DNPEP: variants seen among roughly 807,000 people sequenced by gnomAD.
DNPEP encodes the protein aspartyl aminopeptidase.
A neutral mutation model predicts 59.1 loss-of-function variants in DNPEP; 46 were observed. That is an observed-to-expected ratio of 0.78 (90% CI 0.61 to 0.99). The LOEUF is 0.99. Among genes scored for constraint, DNPEP ranks in the 50% least tolerant of loss-of-function variants. The probability of loss-of-function intolerance (pLI) is 0.00; values close to 1 mark genes in which losing one functional copy is unlikely to be tolerated. For synonymous variants in DNPEP, 229 were observed against 242.2 expected, an observed-to-expected ratio of 0.95 and a Z score of 0.50; for missense variants, 617 against 649.9, an observed-to-expected ratio of 0.95 and a Z score of 0.55.
upstream of DNPEP, among the ~76,000 whole-genome samples, chr2:219,390,269 T>C (rs1953994528): frequency 6.6e-6 from 1 of 152,140 alleles, no homozygotes; most frequent in Non-Finnish European, 1.5e-5. Flanking sequence ...AAAAGTAAAA[T>C]TGGTCATTAT....
intron 10 of DNPEP, among the ~76,000 whole-genome samples, chr2:219,382,848 C>G (rs1953656087): frequency 6.6e-6 from 1 of 152,236 alleles, no homozygotes; most frequent in Admixed American, 6.5e-5. Context: ...AGGACCTACT[C>G]TGTGCTGAGC....
Position 219,373,074 on chromosome 2 carries a change from CTTTTTTT to C in DNPEP, c.*1211_*1217del, listed in dbSNP as rs1043331196. 7.0e-6 allele frequency among the ~76,000 whole-genome samples: 1 copy of C among 142,512 alleles called. No individual in the cohort carries two copies. The highest frequency in any genetic ancestry group is 1.5e-5 in the Non-Finnish European group (1 of 64,792). 93.5% of individuals were successfully genotyped at this position (142,512 alleles called of 152,430 possible). A position where few individuals can be genotyped will look rare whatever the true frequency, so the allele number is the denominator to read the frequency against. ...AAGCAGGCTTTGACTTTTTCTTTTT[CTTTTTTT>C]TTTTTTGAGAGAGTTTCACCCTTGT... On this transcript the variant is annotated 3_prime_UTR_variant, in exon 15 of 15. Transcript: ENST00000273075.
chr2:219,382,486 G>A (rs1953643630), intron 10 of DNPEP, among the ~76,000 whole-genome samples: 1 of 152,180 alleles, frequency 6.6e-6, no homozygotes, highest in African/African-American at 2.4e-5. Flanking sequence ...GAACACCCAA[G>A]TTGTAGCTAA....
intron 1 of DNPEP, chr2:219,387,524 G>T: frequency 2.8e-6 from 4 of 1,441,318 alleles, no homozygotes; most frequent in Non-Finnish European, 3.7e-6. Context: ...ACCCAGCCCG[G>T]AGCCAAAGCC....
At chr2:219,377,277 CAAAAAAAAA>C (rs386392672) in intron 13 of DNPEP, among the ~76,000 whole-genome samples, 7 of 66,098 alleles carry the variant, frequency 1.1e-4, no homozygotes, top group South Asian at 7.7e-4. Flanking sequence ...CTCACTCTGT[CAAAAAAAAA>C]AAAAAAAAAA....
chr2:219,394,360 C>T (rs1044047113), intron 1 of DNPEP, among the ~76,000 whole-genome samples: 2 of 152,206 alleles, frequency 1.3e-5, no homozygotes, highest in South Asian at 2.1e-4. Flanking sequence ...CTTCCAGACA[C>T]TTACTACCCT....
chr2:219,386,530 G>A (rs1953844776), intron 4 of DNPEP, 119 bp from the exon 5 acceptor site: 2 of 1,495,948 alleles, frequency 1.3e-6, no homozygotes. Context: ...CTCAAGGTGT[G>A]AAGGAAGGGG....
In DNPEP at chr2:219,382,069, G is replaced by A. The variant is rs1953625523; in HGVS notation, c.1007C>T (p.Ser336Leu). 14 of 1,613,952 alleles carry A rather than the reference G, an allele frequency of 8.7e-6. No individual in the cohort carries two copies. The highest frequency in any genetic ancestry group is 2.2e-5 in the South Asian group (2 of 91,092). Residue 336 changes from serine (S) to leucine (L), a missense_variant, in exon 11 of 15, where the codon TCG becomes TTG. Ser to Leu is a moderately radical substitution (Grantham distance 145). Transcript: ENST00000273075. ...CTCGAAGGCTGTCGGGTGCTGGCAC[G>A]AGGCTGAGATCCGCCGCAGCACCAG... ...TELVLRRISA[S>L]CQHPTAFEEA... is the part of the protein sequence containing the mutation.
intron 14 of DNPEP, 70 bp downstream of exon 14, chr2:219,374,785 C>G: frequency 6.5e-7 from 1 of 1,546,224 alleles, no homozygotes; most frequent in Non-Finnish European, 8.8e-7. Context: ...GCGATGTTGT[C>G]CCAGCAACCA....
upstream of DNPEP, among the ~76,000 whole-genome samples, chr2:219,391,083 C>G (rs952027618): frequency 3.3e-5 from 5 of 152,148 alleles, no homozygotes; most frequent in African/African-American, 1.2e-4. Context: ...TAGACAGATT[C>G]ACATAGCATT....
At chr2:219,384,546 A>G in intron 8 of DNPEP, 103 bp from the exon 9 acceptor site, 1 of 890,918 alleles carries the variant, frequency 1.1e-6, no homozygotes, top group Non-Finnish European at 1.7e-6. Flanking sequence ...CCTCTCCCTG[A>G]CCCCTGGCTT....
At chr2:219,384,965 T>C (rs1326750599) in intron 8 of DNPEP, 1 of 164,664 alleles carries the variant, frequency 6.1e-6, no homozygotes, top group African/African-American at 2.4e-5. Flanking sequence ...AAGGGCTGAA[T>C]TGTCATCAAA....
chr2:219,387,037 C>T, intron 2 of DNPEP, 33 bp downstream of exon 2: 2 of 1,611,750 alleles, frequency 1.2e-6, no homozygotes, highest in Middle Eastern at 1.7e-4. Context: ...GCATCAGCCT[C>T]CACCCTCCTC....
At chr2:219,388,031 C>G, upstream of DNPEP, 1 of 974,680 alleles carries the variant, frequency 1.0e-6, no homozygotes, top group Non-Finnish European at 1.4e-6. Context: ...CTGTCCGCTC[C>G]GCCCCTCGCT....
At position 219,374,871 on chromosome 2, in the gene DNPEP, G is replaced by C; in HGVS notation, c.1391C>G (p.Thr464Ser). ...EMACTTGVLQ[T>S]LTLFKGFFEL... The stretch of plus-strand genomic sequence containing the variant: ...GGGTGTTACCTTGAAGAGGGTGAGG[G>C]TCTGGAGGACTCCTGTGGTGCAGGC... Residue 464 changes from threonine (T) to serine (S), a missense_variant, in exon 14 of 15, where the codon ACC becomes AGC. Thr to Ser is a moderately conservative substitution (Grantham distance 58). Transcript: ENST00000273075. 1 of 1,614,140 alleles carries C rather than the reference G, an allele frequency of 6.2e-7. No individual in the cohort carries two copies. Among genetic ancestry groups the C allele is most frequent in the Non-Finnish European group, 8.5e-7 (1 of 1,180,004 alleles).
intron 1 of DNPEP, among the ~76,000 whole-genome samples, chr2:219,395,009 G>T (rs1954073608): frequency 6.6e-6 from 1 of 151,922 alleles, no homozygotes; most frequent in South Asian, 2.1e-4. Context: ...AGGCTGGAGT[G>T]CAGTGGTGCG....
chr2:219,386,857 G>A, intron 3 of DNPEP, 35 bp downstream of exon 3: 3 of 1,610,370 alleles, frequency 1.9e-6, no homozygotes, highest in Non-Finnish European at 2.5e-6. Context: ...CCAGCCTAGG[G>A]ACCTGCCTTT....
rs1953209869 is a variant in DNPEP at position 219,372,128 on chromosome 2, T to C, written c.*2164A>G. Among the ~76,000 whole-genome samples the C allele has an allele frequency of 6.6e-6, 1 of 152,200 alleles. No individual in the cohort carries two copies. Among genetic ancestry groups the C allele is most frequent in the Admixed American group, 6.5e-5 (1 of 15,276 alleles). On this transcript the variant is annotated 3_prime_UTR_variant, in exon 15 of 15. Coordinates refer to ENST00000273075, the MANE Select transcript of DNPEP (RefSeq NM_012100.4). Reference sequence around the variant, plus strand: ...TAACAGACTGAATAAATAATGACCATCTATACAATAAAATACTGTACGCCA... The same window carrying C: ...TAACAGACTGAATAAATAATGACCACCTATACAATAAAATACTGTACGCCA...
At position 219,381,370 on chromosome 2, in the gene DNPEP, G is replaced by A. The variant is rs767299451; in HGVS notation, c.1204C>T (p.Arg402Ter). The A allele has an allele frequency of 1.3e-5, 21 of 1,614,040 alleles. No individual in the cohort carries two copies. Among genetic ancestry groups the A allele is most frequent in the Non-Finnish European group, 1.6e-5 (19 of 1,180,038 alleles). The change falls in exon 13 of 15, where the codon CGA (arginine) becomes TGA (stop). Residue 402 changes from arginine to a stop codon, truncating the protein, a stop_gained. Transcript: ENST00000273075. LOFTEE classifies it high-confidence loss of function. ...ASNAVSEALI[R>*]EVANKVKVPL... is the part of the protein sequence containing the mutation. ...ACCTTGACTTTGTTGGCCACCTCTC[G>A]GATCAGGGCCTCTGACACCGCGTTT...
Sources: gnomAD v4.1 joint callset for allele counts (sites outside exome capture counted in the v4.1 genomes callset) on GRCh38, gnomAD v4.1.1 for gene constraint, MANE v1.5 for transcripts, NCBI Gene and HGNC (gene_info 2026-07-23, HGNC 2026-07-21) for gene names.